The following SNTB1 variants were observed in gnomAD, a reference collection of about 807,000 sequenced individuals.
SNTB1 encodes the protein syntrophin beta 1.
Under a neutral mutation model 48.9 loss-of-function variants are expected in SNTB1, and 36 were observed. The observed-to-expected ratio is 0.74, with a 90% CI of 0.56 to 0.97. SNTB1 has a LOEUF of 0.97. Among genes scored for constraint, SNTB1 ranks in the 50% least tolerant of loss-of-function variants. The probability of loss-of-function intolerance (pLI) is 0.00; values close to 1 mark genes in which losing one functional copy is unlikely to be tolerated. For missense variants in SNTB1, 786 were observed against 703.4 expected (o/e 1.12, Z -1.33); for synonymous variants, 299 against 294.6 (o/e 1.01, Z -0.15).
chr8:120,763,491 T>G (rs764721962), intron 1 of SNTB1, among the ~76,000 whole-genome samples: 2 of 152,210 alleles, frequency 1.3e-5, no homozygotes, highest in Non-Finnish European at 2.9e-5. Context: ...AAAATTGACC[T>G]ATTAAAACAA....
chr8:120,733,325 G>T lies in SNTB1; in HGVS notation c.572-39417C>A, dbSNP rs183372564. On this transcript the variant is annotated intron_variant, in intron 1 of 6. Transcript: ENST00000517992. ...GGTTTTAAATTGAGGGCACCAAAAGGTATCCTTGGCTGGCAATTGGTGGTC... is the reference window on the plus strand; with the variant it reads ...GGTTTTAAATTGAGGGCACCAAAAGTTATCCTTGGCTGGCAATTGGTGGTC... Among the ~76,000 whole-genome samples the T allele has an allele frequency of 4.5e-4, 68 of 152,338 alleles. 1 individual carries two copies. Among genetic ancestry groups the T allele is most frequent in the African/African-American group, 1.6e-3 (67 of 41,582 alleles).
intron 1 of SNTB1, among the ~76,000 whole-genome samples, chr8:120,772,189 C>G (rs1819647524): frequency 1.3e-5 from 2 of 151,656 alleles, no homozygotes; most frequent in African/African-American, 4.8e-5. Flanking sequence ...TATATCTGTC[C>G]TCTCCAGAAC....
intron 2 of SNTB1, among the ~76,000 whole-genome samples, chr8:120,649,072 A>AT (rs1209020737): frequency 2.1e-5 from 3 of 145,940 alleles, no homozygotes; most frequent in Admixed American, 1.4e-4. Context: ...ATTCTTCTAA[A>AT]TTTTTTTCAA....
At chr8:120,786,830 C>T (rs577224429) in intron 1 of SNTB1, among the ~76,000 whole-genome samples, 39 of 152,324 alleles carry the variant, frequency 2.6e-4, no homozygotes, top group African/African-American at 8.4e-4. Context: ...GACCTTGGCA[C>T]ACTGTTAGGG....
intron 4 of SNTB1, among the ~76,000 whole-genome samples, chr8:120,555,152 G>A (rs764364674): frequency 5.9e-5 from 9 of 152,128 alleles, no homozygotes; most frequent in Non-Finnish European, 1.2e-4. Flanking sequence ...GTATATCCCC[G>A]CCAGGAATAT....
intron 3 of SNTB1, among the ~76,000 whole-genome samples, chr8:120,626,415 AT>A (rs1307758654): frequency 6.6e-6 from 1 of 152,194 alleles, no homozygotes; most frequent in East Asian, 1.9e-4. Flanking sequence ...AATTAGGATC[AT>A]TACATGACCT....
At chr8:120,743,415 A>C (rs779068675) in intron 1 of SNTB1, among the ~76,000 whole-genome samples, 1 of 152,130 alleles carries the variant, frequency 6.6e-6, no homozygotes, top group South Asian at 2.1e-4. Flanking sequence ...TCTGGCCAGC[A>C]TTACTCATGT....
chr8:120,594,208 G>A (rs1327284765), intron 3 of SNTB1, among the ~76,000 whole-genome samples: 1 of 151,306 alleles, frequency 6.6e-6, no homozygotes, highest in Non-Finnish European at 1.5e-5. Context: ...GCACTACAGG[G>A]GCATCCCACC....
intron 2 of SNTB1, among the ~76,000 whole-genome samples, chr8:120,660,260 T>C (rs1482330838): frequency 2.0e-5 from 3 of 152,268 alleles, no homozygotes; most frequent in Non-Finnish European, 4.4e-5. Context: ...CTTCCAATTC[T>C]AGGCTGTTTC....
intron 3 of SNTB1, among the ~76,000 whole-genome samples, chr8:120,611,844 A>AG (rs1414549311): frequency 4.0e-5 from 6 of 150,974 alleles, no homozygotes; most frequent in Non-Finnish European, 7.4e-5. Context: ...AAAAAAAAAA[A>AG]AGGCAGTGCC....
At chr8:120,604,710 C>T (rs531555025) in intron 3 of SNTB1, among the ~76,000 whole-genome samples, 73 of 152,152 alleles carry the variant, frequency 4.8e-4, no homozygotes, top group Non-Finnish European at 7.9e-4. Flanking sequence ...CTCGGCCTCC[C>T]AAAGTGGTGG....
At chr8:120,583,554 C>A (rs1175002921) in intron 3 of SNTB1, among the ~76,000 whole-genome samples, 16 of 102,268 alleles carry the variant, frequency 1.6e-4, no homozygotes, top group African/African-American at 4.6e-4. Context: ...CACACACACA[C>A]ACACACAAAA....
intron 1 of SNTB1, 35 bp downstream of exon 1, chr8:120,811,219 AGCCGAGCAGGTGTGTGCGC>A (rs1820423184): frequency 6.6e-7 from 1 of 1,526,180 alleles, no homozygotes. Context: ...GCGGGTGGGA[AGCCGAGCAGGTGTGTGCGC>A]GCCCGGCGCG....
At chr8:120,736,843 A>G (rs1322579607) in intron 1 of SNTB1, among the ~76,000 whole-genome samples, 1 of 152,208 alleles carries the variant, frequency 6.6e-6, no homozygotes, top group Non-Finnish European at 1.5e-5. Context: ...TTTACGTGAT[A>G]TCCTAATCAC....
At chr8:120,789,617 A>C (rs766556430) in intron 1 of SNTB1, among the ~76,000 whole-genome samples, 1 of 152,030 alleles carries the variant, frequency 6.6e-6, no homozygotes, top group Non-Finnish European at 1.5e-5. Context: ...TATGCACACA[A>C]ACAAAAAAAT....
intron 1 of SNTB1, among the ~76,000 whole-genome samples, chr8:120,788,994 C>A (rs905016116): frequency 1.3e-5 from 2 of 151,936 alleles, no homozygotes; most frequent in African/African-American, 4.8e-5. Context: ...TGATAGGCCA[C>A]AAAACAAGCC....
chr8:120,665,769 T>A (rs1817664202), intron 2 of SNTB1, among the ~76,000 whole-genome samples: 2 of 152,202 alleles, frequency 1.3e-5, no homozygotes, highest in Non-Finnish European at 2.9e-5. Context: ...ATTGAAGTAC[T>A]TTTTGCATTT....
intron 4 of SNTB1, among the ~76,000 whole-genome samples, chr8:120,569,200 G>A (rs1297514953): frequency 1.3e-5 from 2 of 152,030 alleles, no homozygotes; most frequent in South Asian, 2.1e-4. Context: ...AGCTGGCCTC[G>A]AACCCCTGAC....
chr8:120,641,181 A>G (rs1817189537), intron 2 of SNTB1, among the ~76,000 whole-genome samples: 1 of 152,200 alleles, frequency 6.6e-6, no homozygotes, highest in Non-Finnish European at 1.5e-5. Flanking sequence ...ATTGTCTCCC[A>G]AAGTTCTCAC....
Sources: gnomAD v4.1 joint callset for allele counts (sites outside exome capture counted in the v4.1 genomes callset) on GRCh38, gnomAD v4.1.1 for gene constraint, MANE v1.5 for transcripts, NCBI Gene and HGNC (gene_info 2026-07-23, HGNC 2026-07-21) for gene names.